RARB: variants seen among roughly 807,000 people sequenced by gnomAD.
RARB encodes retinoic acid receptor beta, also known as HBV-activated protein.
A neutral mutation model predicts 51.9 loss-of-function variants in RARB; 17 were observed. The ratio of observed to expected loss-of-function variants is 0.33; its 90% CI spans 0.22 to 0.49. The LOEUF is 0.49. Among genes scored for constraint, RARB ranks in the 20% least tolerant of loss-of-function variants. The pLI, the probability that RARB is intolerant of heterozygous loss-of-function variation, is 0.99. For missense variants in RARB, 369 were observed against 550.8 expected, an observed-to-expected ratio of 0.67 and a Z score of 3.30; for synonymous variants, 215 against 195.4, an observed-to-expected ratio of 1.10 and a Z score of -0.84.
At chr3:25,360,977 A>G (rs1327251630) in intron 5 of RARB, among the ~76,000 whole-genome samples, 1 of 151,938 alleles carries the variant, frequency 6.6e-6, no homozygotes, top group East Asian at 1.9e-4. Context: ...CTTCTCAAGG[A>G]GTGTCTTAGT....
chr3:24,860,712 C>T (rs2125341669), intron 2 of RARB, among the ~76,000 whole-genome samples: 1 of 152,152 alleles, frequency 6.6e-6, no homozygotes. Context: ...ATAGAATACC[C>T]CCTAAGTATG....
intron 5 of RARB, among the ~76,000 whole-genome samples, chr3:25,175,059 T>C (rs1700717283): frequency 6.6e-6 from 1 of 152,242 alleles, no homozygotes; most frequent in Non-Finnish European, 1.5e-5. Context: ...TACCAATTCA[T>C]ATCACATTAA....
chr3:25,406,220 T>C (rs542170298), intron 5 of RARB, among the ~76,000 whole-genome samples: 5 of 152,310 alleles, frequency 3.3e-5, no homozygotes, highest in African/African-American at 1.2e-4. Context: ...CCAAACTTTA[T>C]TTAGAGGTTC....
chr3:25,148,508 G>A (rs1241720711), intron 4 of RARB, among the ~76,000 whole-genome samples: 1 of 152,140 alleles, frequency 6.6e-6, no homozygotes, highest in Non-Finnish European at 1.5e-5. Flanking sequence ...TCTTCTTTGA[G>A]TTTGATTTAC....
intron 3 of RARB, among the ~76,000 whole-genome samples, chr3:25,524,002 AG>A (rs1698524753): frequency 6.6e-6 from 1 of 152,254 alleles, no homozygotes; most frequent in Admixed American, 6.5e-5. Flanking sequence ...GCAATGCCTA[AG>A]GCTGAAGCAC....
chr3:24,989,774 C>CTTTTTTTTTTTTTTTTT lies in RARB; in HGVS notation c.-379-70331_-379-70315dup, dbSNP rs769275874. Reference sequence around the variant, plus strand: ...ATTTTAACTGTTGTCATATGTTTTTCTTTTTTTTTTTTTTTTTTTTTTTTT... The same window carrying CTTTTTTTTTTTTTTTTT: ...ATTTTAACTGTTGTCATATGTTTTTCTTTTTTTTTTTTTTTTTTTTTTTTTTTTTTTTTTTTTTTTTT... On this transcript the variant is annotated intron_variant, in intron 2 of 11. Transcript: ENST00000383772. 3.4e-4 allele frequency among the ~76,000 whole-genome samples: 10 copies of CTTTTTTTTTTTTTTTTT among 29,530 alleles called. 2 individuals are homozygous for CTTTTTTTTTTTTTTTTT. Among genetic ancestry groups the CTTTTTTTTTTTTTTTTT allele is most frequent in the East Asian group, 2.4e-3 (2 of 838 alleles). The allele number at this position is 29,530 out of a possible 152,430, so 19.4% of individuals were successfully genotyped here. A position where few individuals can be genotyped will look rare whatever the true frequency, so the allele number is the denominator to read the frequency against.
chr3:24,918,145 TCCAAA>T (rs1172916725), intron 2 of RARB, among the ~76,000 whole-genome samples: 5 of 151,996 alleles, frequency 3.3e-5, no homozygotes, highest in African/African-American at 1.2e-4. Context: ...ATGCAAACAA[TCCAAA>T]TGTTCATCAA....
At chr3:25,157,078 G>T (rs1700386507) in intron 4 of RARB, among the ~76,000 whole-genome samples, 1 of 152,182 alleles carries the variant, frequency 6.6e-6, no homozygotes, top group Non-Finnish European at 1.5e-5. Flanking sequence ...AAAAAAGGAT[G>T]TATGTATGTG....
chr3:25,093,516 T>G (rs1308748310), intron 3 of RARB, among the ~76,000 whole-genome samples: 4 of 152,164 alleles, frequency 2.6e-5, no homozygotes, highest in Non-Finnish European at 4.4e-5. Context: ...CTAGAGCACA[T>G]TTTTAAAGCT....
At chr3:25,097,983 A>G (rs1420624140) in intron 3 of RARB, among the ~76,000 whole-genome samples, 2 of 152,210 alleles carry the variant, frequency 1.3e-5, no homozygotes, top group African/African-American at 2.4e-5. Flanking sequence ...GGAGATTCAG[A>G]CATGAAAATG....
At position 25,387,291 on chromosome 3, in the gene RARB, G is replaced by A. The variant is rs61452285; in HGVS notation, c.179-73902G>A. 5.5e-3 allele frequency among the ~76,000 whole-genome samples: 837 copies of A among 152,172 alleles called. 7 individuals carry two copies. The highest frequency in any genetic ancestry group is 0.019 in the African/African-American group (788 of 41,516). On this transcript the variant is annotated intron_variant, in intron 5 of 11. Transcript: ENST00000383772. ...GCTTTGTTTGGGAGAATGAGGATCC[G>A]GGTCTTTATTGAAGAAAATAAATTC...
chr3:25,116,417 C>G (rs1699688172), intron 3 of RARB, among the ~76,000 whole-genome samples: 1 of 113,800 alleles, frequency 8.8e-6, no homozygotes, highest in Non-Finnish European at 1.9e-5. Context: ...ACAGAAACAT[C>G]TTATTAAAGT....
chr3:25,063,810 A>T (rs1011276016), intron 3 of RARB, among the ~76,000 whole-genome samples: 4 of 151,914 alleles, frequency 2.6e-5, no homozygotes, highest in Non-Finnish European at 5.9e-5. Flanking sequence ...GCTTCAAGAT[A>T]AGAAAAGCAC....
In RARB at chr3:25,504,378, A is replaced by T. The variant is rs546953364; in HGVS notation, c.448+3055A>T. ...TTGTTCCATCAAAGCCTAGGGACAG[A>T]TTCTCATTGGCCTAACTTGGGTCAT... On this transcript the variant is annotated intron_variant, in intron 3 of 7. Transcript: ENST00000330688. Among the ~76,000 whole-genome samples the T allele has an allele frequency of 1.4e-4, 21 of 152,260 alleles. 1 individual carries two copies. The highest frequency in any genetic ancestry group is 3.9e-4 in the Admixed American group (6 of 15,280).
intron 5 of RARB, among the ~76,000 whole-genome samples, chr3:25,582,471 T>G (rs745951843): frequency 2.6e-5 from 4 of 151,844 alleles, no homozygotes; most frequent in Admixed American, 1.3e-4. Flanking sequence ...ACCTTGACCT[T>G]CTGCTTGTTT....
At chr3:24,987,350 A>G (rs967989773) in intron 2 of RARB, among the ~76,000 whole-genome samples, 1 of 152,212 alleles carries the variant, frequency 6.6e-6, no homozygotes, top group African/African-American at 2.4e-5. Flanking sequence ...TCTAATGGGA[A>G]AGTAGTTTAG....
chr3:25,352,969 T>G (rs940882827), intron 5 of RARB, among the ~76,000 whole-genome samples: 2 of 152,314 alleles, frequency 1.3e-5, no homozygotes, highest in Non-Finnish European at 2.9e-5. Flanking sequence ...CTGCCTATTA[T>G]GAAGTCATTG....
At chr3:24,904,170 C>T (rs1694796824) in intron 2 of RARB, among the ~76,000 whole-genome samples, 1 of 152,202 alleles carries the variant, frequency 6.6e-6, no homozygotes, top group South Asian at 2.1e-4. Flanking sequence ...AGTTCTTTAA[C>T]TTCCAACTGT....
At chr3:25,140,746 A>T (rs56103690) in intron 4 of RARB, among the ~76,000 whole-genome samples, 40,772 of 151,996 alleles carry the variant, frequency 0.27, 5,775 homozygotes, top group South Asian at 0.36. Context: ...AAATCTTTTG[A>T]GAAAGGGTAT....
Sources: allele counts gnomAD v4.1 joint callset (sites outside exome capture counted in the v4.1 genomes callset), GRCh38; gene constraint gnomAD v4.1.1; transcripts MANE v1.5; gene names NCBI Gene and HGNC (gene_info 2026-07-23, HGNC 2026-07-21).